The following HCN1 variants were observed in gnomAD, a reference collection of about 807,000 sequenced individuals.
HCN1 encodes the protein potassium/sodium hyperpolarization-activated cyclic nucleotide-gated channel 1.
Under a neutral mutation model 78.9 loss-of-function variants are expected in HCN1, and 13 were observed. That is an observed-to-expected ratio of 0.16 (90% CI 0.11 to 0.26). HCN1 has a LOEUF of 0.26. HCN1 is among the 10% of genes least tolerant of loss of function. The probability of loss-of-function intolerance (pLI) is 1.00; values close to 1 mark genes in which losing one functional copy is unlikely to be tolerated. For missense variants in HCN1, 810 were observed against 1,154.3 expected (o/e 0.70, Z 4.32); for synonymous variants, 552 against 455.5 (o/e 1.21, Z -2.70).
rs115593580 is a variant in HCN1 at position 45,355,540 on chromosome 5, C to T, written c.1231-2294G>A. On this transcript the variant is annotated intron_variant, in intron 4 of 7. Transcript: ENST00000303230. ...ACATAAGGAAGCATGCTTGAGTGAG[C>T]GTGGGGGAAACAAAGTAAATTTAGT... Among the ~76,000 whole-genome samples the T allele has an allele frequency of 2.7e-3, 417 of 151,920 alleles. 1 individual carries two copies. Among genetic ancestry groups the T allele is most frequent in the African/African-American group, 4.2e-3 (174 of 41,492 alleles).
At chr5:45,428,810 A>G (rs1351782713) in intron 3 of HCN1, among the ~76,000 whole-genome samples, 1 of 152,116 alleles carries the variant, frequency 6.6e-6, no homozygotes, top group African/African-American at 2.4e-5. Context: ...AATAGCAAGG[A>G]AAGGATAGGA....
chr5:45,372,043 T>C (rs1747385579), intron 4 of HCN1, among the ~76,000 whole-genome samples: 1 of 57,678 alleles, frequency 1.7e-5, no homozygotes, highest in Non-Finnish European at 2.7e-5. Flanking sequence ...TATATATATA[T>C]TATATATATA....
At chr5:45,313,113 C>A (rs993176267) in intron 5 of HCN1, among the ~76,000 whole-genome samples, 1 of 152,176 alleles carries the variant, frequency 6.6e-6, no homozygotes, top group Admixed American at 6.5e-5. Context: ...GGGAGGCACC[C>A]CCCAGTAGGG....
At chr5:45,548,511 A>G (rs1209268613) in intron 2 of HCN1, among the ~76,000 whole-genome samples, 1 of 152,102 alleles carries the variant, frequency 6.6e-6, no homozygotes, top group African/African-American at 2.4e-5. Flanking sequence ...AATAAGAGCT[A>G]TCTATGACAA....
At chr5:45,412,651 T>C (rs1270433522) in intron 3 of HCN1, among the ~76,000 whole-genome samples, 1 of 152,122 alleles carries the variant, frequency 6.6e-6, no homozygotes, top group African/African-American at 2.4e-5. Context: ...AAGGCTGTTA[T>C]TTGAATGCGT....
chr5:45,640,657 C>T (rs1745436321), intron 2 of HCN1, among the ~76,000 whole-genome samples: 1 of 151,390 alleles, frequency 6.6e-6, no homozygotes, highest in African/African-American at 2.4e-5. Flanking sequence ...TCACTGCAAC[C>T]TCCACCTCCC....
At chr5:45,332,195 T>A (rs1455556389) in intron 5 of HCN1, among the ~76,000 whole-genome samples, 5 of 151,470 alleles carry the variant, frequency 3.3e-5, no homozygotes, top group African/African-American at 1.2e-4. Context: ...AATTTTTTTG[T>A]GGGTACATAG....
intron 5 of HCN1, among the ~76,000 whole-genome samples, chr5:45,316,756 C>A (rs1419552503): frequency 6.6e-6 from 1 of 152,110 alleles, no homozygotes; most frequent in Non-Finnish European, 1.5e-5. Context: ...CACAAGCATT[C>A]TTATACACCA....
chr5:45,309,627 G>T (rs1259884917), intron 5 of HCN1, among the ~76,000 whole-genome samples: 1 of 152,108 alleles, frequency 6.6e-6, no homozygotes. Flanking sequence ...AGATAATCAT[G>T]AGGTTTTGTC....
chr5:45,451,207 G>T (rs1053804022), intron 3 of HCN1, among the ~76,000 whole-genome samples: 1 of 151,488 alleles, frequency 6.6e-6, no homozygotes, highest in Non-Finnish European at 1.5e-5. Flanking sequence ...TCATTTATAG[G>T]GTTTCTATTT....
chr5:45,487,493 C>G (rs1008737803), intron 2 of HCN1, among the ~76,000 whole-genome samples: 1 of 151,966 alleles, frequency 6.6e-6, no homozygotes, highest in Non-Finnish European at 1.5e-5. Context: ...GTGGCCCAAT[C>G]ACTATTTTTA....
chr5:45,635,996 A>T (rs1166234130), intron 2 of HCN1, among the ~76,000 whole-genome samples: 1 of 152,236 alleles, frequency 6.6e-6, no homozygotes, highest in Non-Finnish European at 1.5e-5. Context: ...CTGGTTTATT[A>T]GAAAATGATA....
At position 45,303,723 on chromosome 5, in the gene HCN1, A is replaced by T; in HGVS notation, c.1494T>A (p.Pro498=). Residue 498 remains proline (P), a synonymous_variant, in exon 6 of 8, where the codon CCT becomes CCA. Transcript: ENST00000303230. ...CTCCTTCTCGTATGATATAATCTCCAGGTTGAAACACCTCAAATCTCAACT... is the reference window on the plus strand; with the variant it reads ...CTCCTTCTCGTATGATATAATCTCCTGGTTGAAACACCTCAAATCTCAACT... The part of the protein sequence containing the change: ...LSKLRFEVFQ[P]GDYIIREGAV... The T allele has an allele frequency of 1.2e-6, 2 of 1,613,726 alleles. No individual in the cohort carries two copies. Among genetic ancestry groups the T allele is most frequent in the South Asian group, 1.1e-5 (1 of 91,078 alleles).
rs765004004 is a variant in HCN1 at position 45,695,674 on chromosome 5, A to G, written c.420T>C (p.Asp140=). The G allele has an allele frequency of 1.4e-5, 23 of 1,611,970 alleles. 1 individual carries two copies. In the South Asian group the frequency reaches 1.9e-4, roughly 13 times the overall value. The change falls in exon 1 of 8, where the codon GAT becomes GAC. Residue 140 remains aspartate, a synonymous_variant. Transcript: ENST00000303230. ...AGFWIIHPYS[D]FRFYWDLIML... is the part of the protein sequence containing the mutation. ...CGGCGACCGGGAGCCCTCACCTGAA[A>G]TCACTGTAAGGGTGGATAATCCAGA...
At chr5:45,513,890 C>A (rs116758527) in intron 2 of HCN1, among the ~76,000 whole-genome samples, 2,429 of 152,124 alleles carry the variant, frequency 0.016, 63 homozygotes, top group African/African-American at 0.056. Context: ...TAGAAATTTG[C>A]AAGAATTTCC....
In HCN1 at chr5:45,633,300, T is replaced by A. The variant is rs139020261; in HGVS notation, c.849+11885A>T. 5.3e-5 allele frequency among the ~76,000 whole-genome samples: 8 copies of A among 150,544 alleles called. No homozygotes were observed. The East Asian group carries it at 1.5e-3, about 29-fold the overall frequency. ...ATCTCAAAAGCATATTAATATTATT[T>A]TAAATATTTTTTTTAACTCAGGAAA... On this transcript the variant is annotated intron_variant, in intron 2 of 7. Transcript: ENST00000303230.
chr5:45,598,771 C>T (rs1169259538), intron 2 of HCN1, among the ~76,000 whole-genome samples: 1 of 152,196 alleles, frequency 6.6e-6, no homozygotes, highest in Non-Finnish European at 1.5e-5. Context: ...ACAGACACTT[C>T]TCAAAAGAAG....
rs1443844472 is a variant in HCN1, at chr5:45,453,904, T to G, written c.1011+7942A>C. Among the ~76,000 whole-genome samples, 8 of 149,676 alleles carry G rather than the reference T, an allele frequency of 5.3e-5. No individual in the cohort carries two copies. The South Asian group carries it at 1.7e-3, about 32-fold the overall frequency. On this transcript the variant is annotated intron_variant, in intron 3 of 7. Transcript: ENST00000303230. ...AGGAAATATTAGACAGCAAAATACT[T>G]TTTTTTCTTCAACTTTATCAGGTGC...
chr5:45,339,069 C>T (rs1300109535), intron 5 of HCN1, among the ~76,000 whole-genome samples: 5 of 152,166 alleles, frequency 3.3e-5, no homozygotes, highest in African/African-American at 1.2e-4. Context: ...CTGAGCATTT[C>T]ATGCTTCCAC....
Sources: allele counts gnomAD v4.1 joint callset (sites outside exome capture counted in the v4.1 genomes callset), GRCh38; gene constraint gnomAD v4.1.1; transcripts MANE v1.5; gene names NCBI Gene and HGNC (gene_info 2026-07-23, HGNC 2026-07-21).